SHISA6: variants seen among roughly 807,000 people sequenced by gnomAD.
The protein encoded by SHISA6 is protein shisa-6.
Under a neutral mutation model 47.9 loss-of-function variants are expected in SHISA6, and 22 were observed. That is an observed-to-expected ratio of 0.46 (90% confidence interval 0.33 to 0.66). The LOEUF is 0.66. Among genes scored for constraint, SHISA6 ranks in the 30% least tolerant of loss-of-function variants. The probability of loss-of-function intolerance (pLI) is 0.02; values close to 1 mark genes in which losing one functional copy is unlikely to be tolerated. For synonymous variants in SHISA6, 388 were observed against 337.8 expected, an observed-to-expected ratio of 1.15 and a Z score of -1.63; for missense variants, 680 against 764.6, an observed-to-expected ratio of 0.89 and a Z score of 1.30.
intron 2 of SHISA6, among the ~76,000 whole-genome samples, chr17:11,350,174 A>ATTTTTTTTT (rs1310542458): frequency 7.0e-5 from 7 of 100,428 alleles, no homozygotes; most frequent in African/African-American, 2.9e-4. Flanking sequence ...TTATTTATTT[A>ATTTTTTTTT]TTTATTTATT....
chr17:11,403,819 G>T (rs181888835), intron 3 of SHISA6, among the ~76,000 whole-genome samples: 34 of 152,156 alleles, frequency 2.2e-4, no homozygotes, highest in Admixed American at 2.0e-3. Context: ...TCCCTCCCTC[G>T]ATAATTGGAG....
chr17:11,435,138 CCT>C (rs746816435), intron 3 of SHISA6, among the ~76,000 whole-genome samples: 24 of 140,784 alleles, frequency 1.7e-4, no homozygotes, highest in Admixed American at 2.8e-4. Flanking sequence ...TCTCTGTTTC[CCT>C]CTCTCTCTCT....
chr17:11,340,950 C>G (rs567762735), intron 2 of SHISA6, among the ~76,000 whole-genome samples: 5 of 152,298 alleles, frequency 3.3e-5, no homozygotes, highest in East Asian at 3.9e-4. Flanking sequence ...CCTGTGGAGC[C>G]CTGCTGGTTA....
intron 3 of SHISA6, among the ~76,000 whole-genome samples, chr17:11,412,814 C>G (rs529536808): frequency 6.6e-6 from 1 of 152,148 alleles, no homozygotes; most frequent in Non-Finnish European, 1.5e-5. Context: ...CCCCTGGGCC[C>G]GGGTGTGGCC....
At chr17:11,356,906 T>C (rs1366372898) in intron 2 of SHISA6, among the ~76,000 whole-genome samples, 3 of 152,074 alleles carry the variant, frequency 2.0e-5, no homozygotes, top group African/African-American at 7.2e-5. Flanking sequence ...TCTGCTGTCC[T>C]ATAAGAAACA....
intron 1 of SHISA6, among the ~76,000 whole-genome samples, chr17:11,249,590 ATG>A (rs1284656872): frequency 6.6e-6 from 1 of 152,106 alleles, no homozygotes; most frequent in Non-Finnish European, 1.5e-5. Context: ...ACATACCTTA[ATG>A]TGTCACCCTT....
chr17:11,459,376 CAG>C (rs1915643088), intron 3 of SHISA6, among the ~76,000 whole-genome samples: 1 of 152,076 alleles, frequency 6.6e-6, no homozygotes, highest in South Asian at 2.1e-4. Flanking sequence ...TAGCATTGCT[CAG>C]AGTCTGCCCT....
intron 3 of SHISA6, among the ~76,000 whole-genome samples, chr17:11,428,088 C>G (rs1914653053): frequency 6.6e-6 from 1 of 152,214 alleles, no homozygotes; most frequent in South Asian, 2.1e-4. Flanking sequence ...GGGCTACACT[C>G]TTTACACTAG....
chr17:11,246,502 GA>G (rs911038424), intron 1 of SHISA6, among the ~76,000 whole-genome samples: 12 of 152,104 alleles, frequency 7.9e-5, no homozygotes, highest in Non-Finnish European at 7.4e-5. Context: ...AAAATAAAAA[GA>G]AAAAATAAAT....
intron 3 of SHISA6, among the ~76,000 whole-genome samples, chr17:11,500,400 T>C (rs908353277): frequency 3.3e-5 from 5 of 152,184 alleles, no homozygotes; most frequent in Non-Finnish European, 7.3e-5. Flanking sequence ...CCTGCAAAAG[T>C]GCTGTGCATG....
intron 3 of SHISA6, among the ~76,000 whole-genome samples, chr17:11,502,272 G>C (rs11870028): frequency 0.013 from 1,958 of 151,748 alleles, 44 homozygotes; most frequent in African/African-American, 0.045. Context: ...AGCCGGGCGT[G>C]GTAGCGGGCG....
intron 2 of SHISA6, 81 bp from the exon 3 acceptor site, chr17:11,379,333 T>C: frequency 4.0e-6 from 4 of 1,010,632 alleles, no homozygotes; most frequent in Non-Finnish European, 4.3e-6. Context: ...ACGCCATCAC[T>C]GTTGGGTGAG....
In SHISA6 at chr17:11,557,995, G is replaced by C. The variant is rs367709694; in HGVS notation, c.1347G>C (p.Thr449=). ...RILSDEQLLS[T]ERLHSQDPLL... ...TGTCCGACGAGCAGCTGCTCTCCACGGAGCGCCTGCACTCCCAGGACCCGC... is the reference window on the plus strand; with the variant it reads ...TGTCCGACGAGCAGCTGCTCTCCACCGAGCGCCTGCACTCCCAGGACCCGC... The change falls in exon 6 of 6, where the codon ACG becomes ACC. Residue 449 remains threonine, a synonymous_variant. Coordinates refer to ENST00000441885, the MANE Select transcript of SHISA6 (RefSeq NM_207386.4). 5 of 1,551,336 alleles carry C rather than the reference G, an allele frequency of 3.2e-6. No individual in the cohort carries two copies. The highest frequency in any genetic ancestry group is 4.9e-5 in the East Asian group (2 of 40,900).
chr17:11,279,226 G>A (rs894156113), intron 2 of SHISA6, among the ~76,000 whole-genome samples: 5 of 152,146 alleles, frequency 3.3e-5, no homozygotes, highest in South Asian at 4.1e-4. Context: ...CACTGTCATC[G>A]TAGAAAGAGA....
intron 3 of SHISA6, among the ~76,000 whole-genome samples, chr17:11,489,428 TG>T (rs1377050157): frequency 4.6e-5 from 7 of 152,236 alleles, no homozygotes; most frequent in South Asian, 4.1e-4. Context: ...TAGTCTTATT[TG>T]CACCCAGTAA....
intron 1 of SHISA6, among the ~76,000 whole-genome samples, chr17:11,250,603 C>A (rs1365562021): frequency 1.3e-5 from 2 of 152,162 alleles, no homozygotes; most frequent in East Asian, 3.9e-4. Flanking sequence ...TCATCTCAGT[C>A]AGGATTTAGG....
At chr17:11,462,608 G>GT (rs910271964) in intron 3 of SHISA6, among the ~76,000 whole-genome samples, 7 of 151,752 alleles carry the variant, frequency 4.6e-5, no homozygotes, top group African/African-American at 1.2e-4. Context: ...ACAGTGTGGG[G>GT]TTTTTTTTGT....
intron 1 of SHISA6, among the ~76,000 whole-genome samples, chr17:11,248,311 C>T (rs1293471988): frequency 2.0e-5 from 3 of 152,178 alleles, no homozygotes; most frequent in African/African-American, 2.4e-5. Flanking sequence ...AGAATTATAA[C>T]GTTTTCATTG....
At chr17:11,252,233 A>G (rs1402210389) in intron 1 of SHISA6, among the ~76,000 whole-genome samples, 2 of 152,178 alleles carry the variant, frequency 1.3e-5, no homozygotes, top group Non-Finnish European at 2.9e-5. Context: ...GTTTGGGAGA[A>G]GAGTCGCTGC....
Sources: gnomAD v4.1 joint callset for allele counts (sites outside exome capture counted in the v4.1 genomes callset) on GRCh38, gnomAD v4.1.1 for gene constraint, MANE v1.5 for transcripts, NCBI Gene and HGNC (gene_info 2026-07-23, HGNC 2026-07-21) for gene names.